The following CD96 variants were observed in gnomAD, a reference collection of about 807,000 sequenced individuals.
The protein encoded by CD96 is T-cell surface protein tactile.
In CD96, 70 loss-of-function variants were observed where a neutral mutation model predicts 71.3. The ratio of observed to expected loss-of-function variants is 0.98; its 90% CI spans 0.81 to 1.20. CD96 has a LOEUF of 1.20. CD96 is among the 50% of genes most tolerant of loss of function. CD96 has a pLI of 0.00. For synonymous variants in CD96, 248 were observed against 233.0 expected, an observed-to-expected ratio of 1.06 and a Z score of -0.59; for missense variants, 742 against 677.5, an observed-to-expected ratio of 1.10 and a Z score of -1.06.
intron 5 of CD96, among the ~76,000 whole-genome samples, chr3:111,592,193 G>A (rs1280116353): frequency 6.6e-6 from 1 of 152,162 alleles, no homozygotes; most frequent in Non-Finnish European, 1.5e-5. Context: ...ATCAGGTCCA[G>A]TGCAGAGGCC....
chr3:111,619,126 T>C (rs1188117029), intron 8 of CD96, among the ~76,000 whole-genome samples: 1 of 152,198 alleles, frequency 6.6e-6, no homozygotes. Context: ...GAGATTCAGT[T>C]CTGCTTAATG....
rs115292565 is a variant in CD96 at position 111,662,118 on chromosome 3, G to A, written c.*53-3409G>A. On this transcript the variant is annotated intron_variant and NMD_transcript_variant, in intron 14 of 14. Coordinates refer to the CD96 transcript ENST00000494798. Reference sequence around the variant, plus strand: ...AACCACATGGAAGCTTCCAAGGCTTGGGCTTGCACCCTCTGAAGCAACAGC... The same window carrying A: ...AACCACATGGAAGCTTCCAAGGCTTAGGCTTGCACCCTCTGAAGCAACAGC... Among the ~76,000 whole-genome samples, 445 of 152,358 alleles carry A rather than the reference G, an allele frequency of 2.9e-3. 1 individual carries two copies. Among genetic ancestry groups the A allele is most frequent in the Non-Finnish European group, 4.9e-3 (335 of 68,030 alleles).
downstream of CD96, among the ~76,000 whole-genome samples, chr3:111,656,051 G>A (rs1940220044): frequency 6.6e-6 from 1 of 151,698 alleles, no homozygotes; most frequent in African/African-American, 2.4e-5. Flanking sequence ...AAAGTCAAAG[G>A]ACAAATAATA....
chr3:111,656,419 T>G (rs761366984), downstream of CD96, among the ~76,000 whole-genome samples: 6 of 152,178 alleles, frequency 3.9e-5, no homozygotes, highest in Admixed American at 2.0e-4. Flanking sequence ...GAGTGCAAAA[T>G]GGTGCCACCA....
chr3:111,544,432 T>C (rs1029685578), intron 1 of CD96, among the ~76,000 whole-genome samples: 23 of 151,928 alleles, frequency 1.5e-4, no homozygotes, highest in African/African-American at 5.3e-4. Context: ...CGTGAGCCAC[T>C]GCGCCAGGCC....
intron 3 of CD96, among the ~76,000 whole-genome samples, chr3:111,574,809 G>A (rs1163616000): frequency 6.7e-6 from 1 of 149,014 alleles, no homozygotes; most frequent in Non-Finnish European, 1.5e-5. Flanking sequence ...TTGAGGCAGT[G>A]TCTCACTTTG....
At chr3:111,639,286 G>C (rs375705238) in intron 12 of CD96, among the ~76,000 whole-genome samples, 2 of 152,156 alleles carry the variant, frequency 1.3e-5, no homozygotes, top group African/African-American at 2.4e-5. Context: ...TTGGCGGGGT[G>C]GGGGGCATGG....
chr3:111,647,367 A>T (rs73852852), intron 12 of CD96, among the ~76,000 whole-genome samples, 176 bp from the exon 13 acceptor site: 2 of 152,170 alleles, frequency 1.3e-5, no homozygotes, highest in Non-Finnish European at 2.9e-5. Flanking sequence ...GTACGTAATT[A>T]ACTCTTAAAA....
chr3:111,615,802 A>G (rs886748692), intron 8 of CD96, among the ~76,000 whole-genome samples: 2 of 152,192 alleles, frequency 1.3e-5, no homozygotes, highest in Non-Finnish European at 2.9e-5. Flanking sequence ...GAAAAGCCAC[A>G]TTATACCCTA....
At chr3:111,580,670 C>T (rs1376372067) in intron 4 of CD96, among the ~76,000 whole-genome samples, 1 of 152,096 alleles carries the variant, frequency 6.6e-6, no homozygotes, top group Non-Finnish European at 1.5e-5. Context: ...CCTCTGTCCT[C>T]CCCTTCCCTC....
chr3:111,596,932 C>T (rs536412277), intron 5 of CD96, among the ~76,000 whole-genome samples: 3 of 152,170 alleles, frequency 2.0e-5, no homozygotes, highest in Non-Finnish European at 4.4e-5. Flanking sequence ...CTGAAATTCT[C>T]TTGTTTCATT....
chr3:111,600,623 T>C, intron 6 of CD96, 103 bp from the exon 7 acceptor site: 1 of 881,074 alleles, frequency 1.1e-6, no homozygotes, highest in Non-Finnish European at 1.9e-6. Flanking sequence ...TTGACCACTT[T>C]AGACTCTACA....
chr3:111,640,519 G>T (rs58284588), intron 12 of CD96, among the ~76,000 whole-genome samples: 51 of 152,330 alleles, frequency 3.3e-4, no homozygotes, highest in African/African-American at 1.2e-3. Flanking sequence ...TGAATAATTG[G>T]TGTACCAGAG....
chr3:111,613,048 T>A (rs1006449174), intron 8 of CD96, among the ~76,000 whole-genome samples: 1 of 152,168 alleles, frequency 6.6e-6, no homozygotes, highest in Non-Finnish European at 1.5e-5. Flanking sequence ...TTCATCACCT[T>A]CCACCTGGGG....
intron 10 of CD96, among the ~76,000 whole-genome samples, chr3:111,625,219 T>G (rs1349741338): frequency 1.3e-5 from 2 of 152,206 alleles, no homozygotes; most frequent in Non-Finnish European, 2.9e-5. Flanking sequence ...AAAAAGAACA[T>G]GAATAGGACT....
chr3:111,546,919 TACAC>T lies in CD96; in HGVS notation c.418+1542_418+1545del, dbSNP rs60838213. Among the ~76,000 whole-genome samples, 1,123 of 138,174 alleles carry T rather than the reference TACAC, an allele frequency of 8.1e-3. 21 individuals are homozygous for T. The highest frequency in any genetic ancestry group is 0.026 in the African/African-American group (1,005 of 38,238). 90.6% of individuals were successfully genotyped at this position (138,174 alleles called of 152,430 possible). On this transcript the variant is annotated intron_variant, in intron 2 of 13. Coordinates refer to ENST00000352690, the MANE Select transcript of CD96 (RefSeq NM_005816.5). ...CCACACACACACACACACAGACACA[TACAC>T]ACACACACACACACACACACACACT...
chr3:111,576,959 T>C (rs936934925), intron 3 of CD96, among the ~76,000 whole-genome samples: 7 of 152,158 alleles, frequency 4.6e-5, no homozygotes, highest in Non-Finnish European at 1.0e-4. Context: ...TAGGATCTCC[T>C]TATATTGTAG....
intron 2 of CD96, among the ~76,000 whole-genome samples, chr3:111,548,964 T>G (rs1934556739): frequency 6.6e-6 from 1 of 152,050 alleles, no homozygotes; most frequent in Admixed American, 6.6e-5. Flanking sequence ...TCTTCATGAA[T>G]CACAAAGTTC....
chr3:111,620,161 G>C (rs1938450990), intron 8 of CD96, among the ~76,000 whole-genome samples: 1 of 152,186 alleles, frequency 6.6e-6, no homozygotes, highest in African/African-American at 2.4e-5. Context: ...CCTTGGGAAA[G>C]CTTTCCTGGG....
Sources: allele counts gnomAD v4.1 joint callset (sites outside exome capture counted in the v4.1 genomes callset), GRCh38; gene constraint gnomAD v4.1.1; transcripts MANE v1.5; gene names NCBI Gene and HGNC (gene_info 2026-07-23, HGNC 2026-07-21).